The following ASIC2 variants were observed in gnomAD, a reference collection of about 807,000 sequenced individuals.
The protein encoded by ASIC2 is acid-sensing ion channel 2.
Under a neutral mutation model 57.3 loss-of-function variants are expected in ASIC2, and 25 were observed. That is an observed-to-expected ratio of 0.44 (90% confidence interval 0.32 to 0.61). ASIC2 has a LOEUF of 0.61. Among genes scored for constraint, ASIC2 ranks in the 20% least tolerant of loss-of-function variants. The pLI, the probability that ASIC2 is intolerant of heterozygous loss-of-function variation, is 0.06. For synonymous variants in ASIC2, 319 were observed against 307.5 expected, an observed-to-expected ratio of 1.04 and a Z score of -0.39; for missense variants, 641 against 738.1, an observed-to-expected ratio of 0.87 and a Z score of 1.52.
At chr17:33,718,077 C>T (rs896738700) in intron 1 of ASIC2, among the ~76,000 whole-genome samples, 1 of 152,100 alleles carries the variant, frequency 6.6e-6, no homozygotes, top group Admixed American at 6.5e-5. Flanking sequence ...CACCCCTCTC[C>T]CTGTGCCAAA....
intron 1 of ASIC2, among the ~76,000 whole-genome samples, chr17:33,542,068 T>C (rs969867551): frequency 2.6e-5 from 4 of 152,246 alleles, no homozygotes; most frequent in Non-Finnish European, 4.4e-5. Flanking sequence ...TGTTGTATAC[T>C]TAAATACTTG....
chr17:33,085,416 A>G (rs1199804132), intron 3 of ASIC2, among the ~76,000 whole-genome samples: 2 of 152,252 alleles, frequency 1.3e-5, no homozygotes, highest in East Asian at 3.8e-4. Flanking sequence ...GCCTCTTAAC[A>G]ATCAATGAAA....
intron 1 of ASIC2, among the ~76,000 whole-genome samples, chr17:33,705,201 A>G (rs1046632969): frequency 2.6e-4 from 39 of 152,364 alleles, no homozygotes; most frequent in African/African-American, 9.1e-4. Context: ...TTATTCAAGA[A>G]CACTATGGAG....
chr17:33,062,636 C>T (rs1224238296), intron 3 of ASIC2, among the ~76,000 whole-genome samples: 3 of 152,146 alleles, frequency 2.0e-5, no homozygotes, highest in African/African-American at 4.8e-5. Context: ...AATGTATATT[C>T]TGTTGATTTG....
At chr17:33,746,798 T>C (rs867442651) in intron 1 of ASIC2, among the ~76,000 whole-genome samples, 1 of 152,106 alleles carries the variant, frequency 6.6e-6, no homozygotes, top group African/African-American at 2.4e-5. Context: ...CATGGAACAT[T>C]CTCCATGACA....
intron 1 of ASIC2, among the ~76,000 whole-genome samples, chr17:33,606,392 C>T (rs1001663453): frequency 2.6e-5 from 4 of 152,142 alleles, no homozygotes; most frequent in African/African-American, 7.2e-5. Flanking sequence ...AATCACTCCA[C>T]ACAGCTTTAT....
Position 33,675,061 on chromosome 17 carries a change from G to A in ASIC2, c.555+480917C>T, listed in dbSNP as rs146564882. Among the ~76,000 whole-genome samples the A allele has an allele frequency of 1.6e-3, 248 of 152,336 alleles. 1 individual carries two copies. Among genetic ancestry groups the A allele is most frequent in the African/African-American group, 5.8e-3 (241 of 41,576 alleles). On this transcript the variant is annotated intron_variant, in intron 1 of 9. Coordinates refer to the ASIC2 transcript ENST00000359872. ...AATAGTTACACAAATAAAAGCGTCC[G>A]CCTTCTGGTGTTGTGGAGATTAATG...
At chr17:33,306,352 C>G (rs751299487) in intron 1 of ASIC2, among the ~76,000 whole-genome samples, 23 of 152,238 alleles carry the variant, frequency 1.5e-4, no homozygotes, top group Non-Finnish European at 2.9e-4. Context: ...TTCCCCCTAG[C>G]CTGTTTTTTT....
chr17:33,897,090 G>T (rs1347604053), intron 1 of ASIC2, among the ~76,000 whole-genome samples: 3 of 152,158 alleles, frequency 2.0e-5, no homozygotes, highest in Admixed American at 1.3e-4. Flanking sequence ...GGAAATAGGG[G>T]TTATACCATG....
chr17:33,981,571 A>G (rs1458955508), intron 1 of ASIC2, among the ~76,000 whole-genome samples: 2 of 151,846 alleles, frequency 1.3e-5, no homozygotes, highest in Non-Finnish European at 2.9e-5. Context: ...GGGCTCTCAA[A>G]TGTATGTTCT....
At chr17:33,815,859 G>A (rs768575570) in intron 1 of ASIC2, among the ~76,000 whole-genome samples, 5 of 152,082 alleles carry the variant, frequency 3.3e-5, no homozygotes, top group South Asian at 2.1e-4. Context: ...AAGTGATACC[G>A]GTTATTTTTG....
At chr17:34,145,546 A>T (rs1912393443) in intron 1 of ASIC2, among the ~76,000 whole-genome samples, 3 of 151,808 alleles carry the variant, frequency 2.0e-5, no homozygotes, top group Admixed American at 1.3e-4. Flanking sequence ...GGTGCTCTAG[A>T]CTCCTAGGAC....
At chr17:33,520,477 C>T (rs935228499) in intron 1 of ASIC2, among the ~76,000 whole-genome samples, 29 of 152,296 alleles carry the variant, frequency 1.9e-4, no homozygotes, top group Middle Eastern at 6.8e-3. Flanking sequence ...GTCCAACACA[C>T]GAGGAGCTGG....
intron 1 of ASIC2, chr17:33,794,561 G>A (rs1388081510): frequency 1.3e-5 from 2 of 152,160 alleles, no homozygotes; most frequent in East Asian, 3.8e-4. Flanking sequence ...GTGACTACCT[G>A]TTAGACCTGT....
At chr17:33,976,138 A>G (rs1905376825) in intron 1 of ASIC2, among the ~76,000 whole-genome samples, 1 of 148,872 alleles carries the variant, frequency 6.7e-6, no homozygotes, top group Admixed American at 6.8e-5. Context: ...CCCCATTTAC[A>G]GATGATCTTG....
At position 33,292,158 on chromosome 17, in the gene ASIC2, G is replaced by C; in HGVS notation, c.-43C>G. ...GGCGGCAGCGGCGGCGGCCCCGGCC[G>C]GGCGGAGCCGCCATGGGAGTCCGCA... is the stretch of plus-strand genomic sequence containing the variant. On this transcript the variant is annotated 5_prime_UTR_variant, in exon 1 of 10. Transcript: ENST00000225823. The C allele has an allele frequency of 9.8e-7, 1 of 1,023,490 alleles. No homozygotes were observed. 63.4% of individuals were successfully genotyped at this position (1,023,490 alleles called of 1,614,324 possible). A position where few individuals can be genotyped will look rare whatever the true frequency, so the allele number is the denominator to read the frequency against.
rs577830790 is a variant in ASIC2 at position 33,763,937 on chromosome 17, C to T, written c.555+392041G>A. Reference sequence around the variant, plus strand: ...ATCTTTGTTTGTGTTGGAGGATTTCCCCTGCATCAACTCCATCCTGGGGGC... The same window carrying T: ...ATCTTTGTTTGTGTTGGAGGATTTCTCCTGCATCAACTCCATCCTGGGGGC... On this transcript the variant is annotated intron_variant, in intron 1 of 9. Coordinates refer to the ASIC2 transcript ENST00000359872. Among the ~76,000 whole-genome samples the T allele has an allele frequency of 2.6e-3, 403 of 152,250 alleles. 2 individuals are homozygous for T. The highest frequency in any genetic ancestry group is 9.3e-3 in the African/African-American group (388 of 41,542).
At chr17:33,389,593 GT>G (rs1232671411) in intron 1 of ASIC2, among the ~76,000 whole-genome samples, 1 of 152,152 alleles carries the variant, frequency 6.6e-6, no homozygotes. Context: ...GTGAGGCTGG[GT>G]AGGAAATTAA....
intron 1 of ASIC2, among the ~76,000 whole-genome samples, chr17:34,018,141 CTT>C (rs1174201399): frequency 6.6e-6 from 1 of 152,170 alleles, no homozygotes; most frequent in Admixed American, 6.5e-5. Context: ...CAGTCAGAGA[CTT>C]TAAGTTGAAG....
Sources: gnomAD v4.1 joint callset for allele counts (sites outside exome capture counted in the v4.1 genomes callset) on GRCh38, gnomAD v4.1.1 for gene constraint, MANE v1.5 for transcripts, NCBI Gene and HGNC (gene_info 2026-07-23, HGNC 2026-07-21) for gene names.